The following ADGRL3 variants were observed in gnomAD, a reference collection of about 807,000 sequenced individuals.
ADGRL3 encodes adhesion G protein-coupled receptor L3, also known as calcium-independent alpha-latrotoxin receptor 3.
A neutral mutation model predicts 153.5 loss-of-function variants in ADGRL3; 62 were observed. That is an observed-to-expected ratio of 0.40 (90% CI 0.33 to 0.50). The LOEUF (loss-of-function observed/expected upper bound fraction) is 0.50, where lower values mean the gene tolerates loss of function less well. ADGRL3 is among the 20% of genes least tolerant of loss of function. The pLI, the probability that ADGRL3 is intolerant of heterozygous loss-of-function variation, is 0.47. For synonymous variants in ADGRL3, 710 were observed against 672.5 expected, an observed-to-expected ratio of 1.06 and a Z score of -0.86; for missense variants, 1,641 against 1,859.4, an observed-to-expected ratio of 0.88 and a Z score of 2.16.
intron 6 of ADGRL3, among the ~76,000 whole-genome samples, chr4:61,715,969 A>T (rs1006436683): frequency 9.3e-5 from 14 of 150,918 alleles, no homozygotes; most frequent in African/African-American, 3.4e-4. Context: ...AAAAAAAAAA[A>T]ATCCTTTCCT....
intron 6 of ADGRL3, among the ~76,000 whole-genome samples, chr4:61,678,927 CTA>C (rs2095273348): frequency 6.6e-6 from 1 of 151,842 alleles, no homozygotes; most frequent in Non-Finnish European, 1.5e-5. Flanking sequence ...ATAAAATAAA[CTA>C]TAGTGATCAT....
intron 25 of ADGRL3, among the ~76,000 whole-genome samples, chr4:62,046,994 T>G (rs1731482994): frequency 6.6e-6 from 1 of 151,966 alleles, no homozygotes; most frequent in Non-Finnish European, 1.5e-5. Context: ...ACATCGAAGA[T>G]TCATCTTTTC....
chr4:61,968,537 CAT>C (rs1326520613), intron 17 of ADGRL3, among the ~76,000 whole-genome samples: 1 of 152,112 alleles, frequency 6.6e-6, no homozygotes. Context: ...AATATTTTAA[CAT>C]ATTTTTATGG....
intron 4 of ADGRL3, among the ~76,000 whole-genome samples, chr4:61,563,957 C>A (rs762446195): frequency 6.6e-6 from 1 of 151,852 alleles, no homozygotes; most frequent in South Asian, 2.1e-4. Context: ...TGCAGTGAGC[C>A]GAGATGGCAC....
rs187073078 is a variant in ADGRL3, at chr4:62,045,820, C to T, written c.3814+1271C>T. The stretch of plus-strand genomic sequence containing the variant: ...AATATTCCTCCAAATACGAAGAAAA[C>T]GTATTAAAATAAAAGAGCTACCTCC... On this transcript the variant is annotated intron_variant, in intron 25 of 26. Coordinates refer to ENST00000683033, the MANE Select transcript of ADGRL3 (RefSeq NM_001387552.1). 2.5e-3 allele frequency among the ~76,000 whole-genome samples: 387 copies of T among 151,924 alleles called. 1 individual carries two copies. The highest frequency in any genetic ancestry group is 4.2e-3 in the Non-Finnish European group (284 of 67,842).
chr4:61,532,551 C>CAT (rs1553956719), intron 4 of ADGRL3, among the ~76,000 whole-genome samples: 1 of 130,224 alleles, frequency 7.7e-6, no homozygotes, highest in African/African-American at 2.9e-5. Flanking sequence ...CGCGCGCGCG[C>CAT]GCGCGTGTGT....
chr4:61,584,439 A>G (rs1212885504), intron 4 of ADGRL3, among the ~76,000 whole-genome samples: 3 of 152,054 alleles, frequency 2.0e-5, no homozygotes, highest in Non-Finnish European at 4.4e-5. Context: ...GTACTAAATC[A>G]TATTTTTAAC....
intron 5 of ADGRL3, among the ~76,000 whole-genome samples, chr4:61,598,489 T>C (rs2098998367): frequency 6.6e-6 from 1 of 152,188 alleles, no homozygotes; most frequent in South Asian, 2.1e-4. Context: ...AACATAAATC[T>C]CATCCCCTAC....
At chr4:61,260,757 ACT>A (rs1166172293) in intron 1 of ADGRL3, among the ~76,000 whole-genome samples, 1 of 151,886 alleles carries the variant, frequency 6.6e-6, no homozygotes, top group Non-Finnish European at 1.5e-5. Context: ...ACAGGGACTC[ACT>A]CTGTCACCCA....
chr4:61,550,360 A>G (rs1280548993), intron 4 of ADGRL3, among the ~76,000 whole-genome samples: 1 of 152,040 alleles, frequency 6.6e-6, no homozygotes, highest in Non-Finnish European at 1.5e-5. Context: ...AATAATTACA[A>G]AGTTGGTATG....
rs149187107 is a variant in ADGRL3 at position 61,696,212 on chromosome 4, A to G, written c.583+19277A>G. Among the ~76,000 whole-genome samples the G allele has an allele frequency of 5.7e-3, 875 of 152,280 alleles. 4 individuals are homozygous for G. The highest frequency in any genetic ancestry group is 0.01 in the Non-Finnish European group (702 of 68,016). On this transcript the variant is annotated intron_variant, in intron 6 of 26. Coordinates refer to ENST00000683033, the MANE Select transcript of ADGRL3 (RefSeq NM_001387552.1). ...AGAGACCTAGCTTTCAGCCATTCTGAGGGCAGAATTTCTTGATCAAATTTG... is the reference window on the plus strand; with the variant it reads ...AGAGACCTAGCTTTCAGCCATTCTGGGGGCAGAATTTCTTGATCAAATTTG...
intron 2 of ADGRL3, among the ~76,000 whole-genome samples, chr4:61,449,506 C>T (rs867844308): frequency 8.6e-5 from 13 of 151,968 alleles, no homozygotes; most frequent in African/African-American, 3.1e-4. Context: ...TGTACCTAGG[C>T]AGGTACAGTT....
intron 2 of ADGRL3, among the ~76,000 whole-genome samples, chr4:61,428,855 C>CTATCTATG (rs1212833357): frequency 9.4e-6 from 1 of 106,882 alleles, no homozygotes; most frequent in African/African-American, 2.9e-5. Context: ...ATCTATCTAT[C>CTATCTATG]TATCTATCTA....
intron 1 of ADGRL3, among the ~76,000 whole-genome samples, chr4:61,374,179 T>C (rs986398778): frequency 7.2e-5 from 11 of 152,142 alleles, no homozygotes; most frequent in African/African-American, 2.7e-4. Context: ...TTGGGGCAAA[T>C]ATCCCTCCTA....
intron 3 of ADGRL3, among the ~76,000 whole-genome samples, chr4:61,511,815 C>G (rs1017136360): frequency 2.0e-5 from 3 of 152,156 alleles, no homozygotes; most frequent in African/African-American, 7.2e-5. Context: ...ATTTACCCCT[C>G]TGTGTTAGGA....
intron 5 of ADGRL3, among the ~76,000 whole-genome samples, chr4:61,587,990 A>G (rs1365960248): frequency 1.3e-5 from 2 of 152,126 alleles, no homozygotes; most frequent in East Asian, 3.9e-4. Context: ...AAATATGGCC[A>G]TATTAACATC....
chr4:62,016,936 T>C (rs2099214881), intron 21 of ADGRL3, among the ~76,000 whole-genome samples: 1 of 152,030 alleles, frequency 6.6e-6, no homozygotes, highest in Non-Finnish European at 1.5e-5. Flanking sequence ...ATAGATTCTT[T>C]TTGTTTTGTT....
rs138830257 is a variant in ADGRL3, at chr4:61,501,423, T to C, written c.55+4075T>C. Reference sequence around the variant, plus strand: ...TTCATTTTTTTCCCCTGCTCCTTTCTTACCTTGAAATAGTGGTAAACCCCT... The same window carrying C: ...TTCATTTTTTTCCCCTGCTCCTTTCCTACCTTGAAATAGTGGTAAACCCCT... On this transcript the variant is annotated intron_variant, in intron 3 of 26. Coordinates refer to ENST00000683033, the MANE Select transcript of ADGRL3 (RefSeq NM_001387552.1). Among the ~76,000 whole-genome samples, 507 of 152,318 alleles carry C rather than the reference T, an allele frequency of 3.3e-3. 5 individuals carry two copies. Among genetic ancestry groups the C allele is most frequent in the African/African-American group, 0.011 (446 of 41,576 alleles).
At chr4:61,866,727 C>A (rs1213738962) in intron 9 of ADGRL3, among the ~76,000 whole-genome samples, 1 of 152,140 alleles carries the variant, frequency 6.6e-6, no homozygotes, top group Non-Finnish European at 1.5e-5. Context: ...ACTCTTCTGG[C>A]ATTAACTAAA....
Sources: gnomAD v4.1 joint callset for allele counts (sites outside exome capture counted in the v4.1 genomes callset) on GRCh38, gnomAD v4.1.1 for gene constraint, MANE v1.5 for transcripts, NCBI Gene and HGNC (gene_info 2026-07-23, HGNC 2026-07-21) for gene names.